The following LTBP1 variants were observed in gnomAD, a reference collection of about 807,000 sequenced individuals.
The protein encoded by LTBP1 is latent-transforming growth factor beta-binding protein 1.
A neutral mutation model predicts 207.6 loss-of-function variants in LTBP1; 129 were observed. The ratio of observed to expected loss-of-function variants is 0.62; its 90% CI spans 0.54 to 0.72. The LOEUF is 0.72. LTBP1 is among the 30% of genes least tolerant of loss of function. The pLI is 0.00. For synonymous variants in LTBP1, 963 were observed against 833.7 expected, an observed-to-expected ratio of 1.16 and a Z score of -2.67; for missense variants, 2,281 against 2,217.2, an observed-to-expected ratio of 1.03 and a Z score of -0.58.
At chr2:33,055,931 G>A (rs2076972929) in intron 3 of LTBP1, among the ~76,000 whole-genome samples, 1 of 152,154 alleles carries the variant, frequency 6.6e-6, no homozygotes, top group Admixed American at 6.5e-5. Flanking sequence ...TTAATAGGAA[G>A]GGGAGCTATA....
chr2:33,118,281 T>C (rs1038798235), intron 4 of LTBP1, among the ~76,000 whole-genome samples: 3 of 151,658 alleles, frequency 2.0e-5, no homozygotes, highest in Non-Finnish European at 4.4e-5. Context: ...GCAGTGGAAG[T>C]TGGACCAGCC....
At chr2:33,236,523 G>A (rs934655081) in intron 9 of LTBP1, among the ~76,000 whole-genome samples, 1 of 152,164 alleles carries the variant, frequency 6.6e-6, no homozygotes, top group African/African-American at 2.4e-5. Context: ...TATTTTTCTG[G>A]TGTGTCCTCT....
intron 2 of LTBP1, among the ~76,000 whole-genome samples, chr2:33,003,994 T>C (rs146555646): frequency 7.9e-4 from 120 of 152,308 alleles, no homozygotes; most frequent in African/African-American, 2.5e-3. Flanking sequence ...CAAAACAACT[T>C]ATATAGCCAT....
chr2:33,014,674 A>G (rs1309114801), intron 2 of LTBP1, among the ~76,000 whole-genome samples: 1 of 152,226 alleles, frequency 6.6e-6, no homozygotes, highest in Non-Finnish European at 1.5e-5. Context: ...TAAAAACAGT[A>G]GAAGCTGAGC....
chr2:33,217,519 T>G, intron 7 of LTBP1, 33 bp from the exon 8 acceptor site: 1 of 1,516,948 alleles, frequency 6.6e-7, no homozygotes, highest in Non-Finnish European at 9.2e-7. Context: ...CTGCACTCAA[T>G]TAACCTTCAT....
At chr2:33,168,114 T>C (rs2085084656) in intron 5 of LTBP1, among the ~76,000 whole-genome samples, 1 of 152,172 alleles carries the variant, frequency 6.6e-6, no homozygotes. Flanking sequence ...GCACAGTGGC[T>C]CATGCCTGCC....
At chr2:33,349,207 T>A (rs1283922990) in intron 26 of LTBP1, among the ~76,000 whole-genome samples, 1 of 152,176 alleles carries the variant, frequency 6.6e-6, no homozygotes, top group East Asian at 1.9e-4. Flanking sequence ...TCCCAACACT[T>A]TGGGAGGCCG....
chr2:33,393,346 T>C (rs1187844080), intron 32 of LTBP1, among the ~76,000 whole-genome samples: 39 of 151,166 alleles, frequency 2.6e-4, no homozygotes, highest in Non-Finnish European at 1.8e-4. Context: ...CAACGTGCAG[T>C]TTTGTTACAT....
intron 3 of LTBP1, among the ~76,000 whole-genome samples, chr2:33,042,798 T>C (rs1209990812): frequency 6.6e-6 from 1 of 152,230 alleles, no homozygotes; most frequent in Non-Finnish European, 1.5e-5. Flanking sequence ...TTGACATTTA[T>C]GTTGTTACGC....
intron 3 of LTBP1, among the ~76,000 whole-genome samples, chr2:33,081,813 C>G (rs2078426851): frequency 6.6e-6 from 1 of 152,084 alleles, no homozygotes; most frequent in South Asian, 2.1e-4. Flanking sequence ...TCTTATGATA[C>G]TGAGTTCTCA....
chr2:33,299,484 A>G (rs866925961), intron 20 of LTBP1, among the ~76,000 whole-genome samples: 3 of 152,304 alleles, frequency 2.0e-5, no homozygotes, highest in Middle Eastern at 6.8e-3. Context: ...TCCTGTGAGT[A>G]TAGGGCTAAA....
At chr2:33,231,618 T>C (rs1195981423) in intron 9 of LTBP1, among the ~76,000 whole-genome samples, 1 of 152,038 alleles carries the variant, frequency 6.6e-6, no homozygotes, top group Non-Finnish European at 1.5e-5. Context: ...AGATTGGTCT[T>C]TGAATGCTTT....
intron 3 of LTBP1, chr2:33,056,254 A>C: frequency 2.2e-6 from 1 of 462,456 alleles, no homozygotes; most frequent in Non-Finnish European, 3.7e-6. Flanking sequence ...GATGCATTTC[A>C]AGGGTGAGCC....
chr2:33,127,119 C>T (rs1044288834), intron 4 of LTBP1, among the ~76,000 whole-genome samples: 2 of 152,026 alleles, frequency 1.3e-5, no homozygotes, highest in African/African-American at 4.8e-5. Context: ...AATTGGAATC[C>T]CTTAGAGGCA....
chr2:33,364,139 A>G (rs2094957081), intron 29 of LTBP1, 77 bp from the exon 30 acceptor site: 5 of 1,394,802 alleles, frequency 3.6e-6, no homozygotes, highest in Non-Finnish European at 2.0e-6. Context: ...AAATATAGCA[A>G]TGTGTAAAGT....
chr2:33,155,401 C>T (rs1391829788), intron 5 of LTBP1, among the ~76,000 whole-genome samples: 1 of 152,224 alleles, frequency 6.6e-6, no homozygotes, highest in African/African-American at 2.4e-5. Flanking sequence ...TTGAACTCTG[C>T]TTCTCTGATA....
Position 33,293,233 on chromosome 2 carries a change from T to C in LTBP1, c.3186T>C (p.Cys1062=). 1 of 1,614,120 alleles carries C rather than the reference T, an allele frequency of 6.2e-7. No individual in the cohort carries two copies. Among genetic ancestry groups the C allele is most frequent in the African/African-American group, 1.3e-5 (1 of 75,054 alleles). ...DCSNLEGSYM[C]SCHKGYTRTP... ...CCAACCTTGAAGGCTCCTACATGTG[T>C]TCATGCCACAAAGGCTATACCCGGA... The change falls in exon 20 of 34, where the codon TGT becomes TGC. Residue 1062 remains cysteine, a synonymous_variant. Transcript: ENST00000404816.
chr2:33,273,876 G>C (rs2093370424), intron 16 of LTBP1, 95 bp downstream of exon 16: 2 of 1,146,800 alleles, frequency 1.7e-6, no homozygotes, highest in African/African-American at 3.2e-5. Context: ...TTTTGGGAAA[G>C]TGTTACTGGT....
intron 4 of LTBP1, among the ~76,000 whole-genome samples, chr2:33,129,416 A>G (rs2081625496): frequency 6.6e-6 from 1 of 152,168 alleles, no homozygotes; most frequent in Non-Finnish European, 1.5e-5. Context: ...TGGACCCAGA[A>G]CCACACCAGA....
Sources: gnomAD v4.1 joint callset for allele counts (sites outside exome capture counted in the v4.1 genomes callset) on GRCh38, gnomAD v4.1.1 for gene constraint, MANE v1.5 for transcripts, NCBI Gene and HGNC (gene_info 2026-07-23, HGNC 2026-07-21) for gene names.